Variants in ARL6IP6 observed in about 807,000 individuals in gnomAD.
ARL6IP6 encodes ARF like GTPase 6 interacting protein 6, also known as ADP-ribosylation factor-like protein 6-interacting protein 6.
A neutral mutation model predicts 21.5 loss-of-function variants in ARL6IP6; 22 were observed. The observed-to-expected ratio is 1.02, with a 90% CI of 0.73 to 1.46. The LOEUF (loss-of-function observed/expected upper bound fraction) is 1.46. ARL6IP6 is among the 40% of genes most tolerant of loss of function. The probability of loss-of-function intolerance (pLI) is 0.00; values close to 1 mark genes in which losing one functional copy is unlikely to be tolerated. For synonymous variants in ARL6IP6, 164 were observed against 125.3 expected (o/e 1.31, Z -2.06); for missense variants, 388 against 299.8 (o/e 1.29, Z -2.17).
intron 2 of ARL6IP6, 21 bp downstream of exon 2, chr2:152,720,607 T>G: frequency 6.2e-7 from 1 of 1,608,090 alleles, no homozygotes; most frequent in Non-Finnish European, 8.5e-7. Flanking sequence ...AATTGCCGCT[T>G]GCTTTGGTTT....
At chr2:152,748,924 A>G (rs1701184325) in intron 3 of ARL6IP6, among the ~76,000 whole-genome samples, 1 of 152,176 alleles carries the variant, frequency 6.6e-6, no homozygotes, top group Non-Finnish European at 1.5e-5. Context: ...AAACATGACA[A>G]GAGACCTGCT....
chr2:152,746,177 C>A (rs1701038460), intron 3 of ARL6IP6, among the ~76,000 whole-genome samples: 1 of 152,004 alleles, frequency 6.6e-6, no homozygotes, highest in Admixed American at 6.6e-5. Flanking sequence ...GCCACCACAT[C>A]TGGCTAATCT....
intron 3 of ARL6IP6, among the ~76,000 whole-genome samples, chr2:152,750,627 C>G (rs1701284283): frequency 1.2e-5 from 1 of 84,518 alleles, no homozygotes; most frequent in Non-Finnish European, 2.3e-5. Context: ...ACTTCTGGTT[C>G]TTTTCTTTCC....
intron 3 of ARL6IP6, among the ~76,000 whole-genome samples, chr2:152,746,077 G>T (rs1288797063): frequency 7.5e-6 from 1 of 132,734 alleles, no homozygotes; most frequent in Non-Finnish European, 1.5e-5. Context: ...GATAGCAGTG[G>T]CATGATCTTG....
chr2:152,718,114 C>G (rs1699281108), upstream of ARL6IP6: 1 of 978,130 alleles, frequency 1.0e-6, no homozygotes, highest in Non-Finnish European at 1.2e-6. Flanking sequence ...ACCGCGAGAG[C>G]GCCAGGTAGA....
At chr2:152,742,558 A>G (rs1012684592) in intron 3 of ARL6IP6, among the ~76,000 whole-genome samples, 1 of 148,668 alleles carries the variant, frequency 6.7e-6, no homozygotes, top group African/African-American at 2.5e-5. Context: ...TGACAGAGCA[A>G]GATACGCTCT....
rs764423472 is a variant in ARL6IP6 at position 152,762,338 on chromosome 2, A to G, written c.*2498A>G. Among the ~76,000 whole-genome samples, 2 of 152,212 alleles carry G rather than the reference A, an allele frequency of 1.3e-5. No individual in the cohort carries two copies. The highest frequency in any genetic ancestry group is 2.4e-5 in the African/African-American group (1 of 41,442). On this transcript the variant is annotated 3_prime_UTR_variant, in exon 4 of 4. Transcript: ENST00000326446. ...CCCTGGTCCCTGAAGCCCAGTGGCA[A>G]TCCTGCCATTCTTGATACGTGAGTC...
chr2:152,722,259 G>A (rs1462900891), intron 2 of ARL6IP6, among the ~76,000 whole-genome samples: 1 of 152,054 alleles, frequency 6.6e-6, no homozygotes, highest in Admixed American at 6.5e-5. Context: ...ACAGCAAATA[G>A]GAAAATCATT....
At chr2:152,722,693 A>G (rs1408117805) in intron 2 of ARL6IP6, among the ~76,000 whole-genome samples, 1 of 152,204 alleles carries the variant, frequency 6.6e-6, no homozygotes, top group Admixed American at 6.5e-5. Flanking sequence ...ACTTGAGGTC[A>G]GGAGTTCGAG....
At chr2:152,718,573 C>G (rs1699378020), upstream of ARL6IP6, 1 of 1,486,940 alleles carries the variant, frequency 6.7e-7, no homozygotes, top group Admixed American at 2.4e-5. Context: ...GGACCCGGGG[C>G]GGGGCAGGTG....
In ARL6IP6 at chr2:152,753,619, T is replaced by TA. The variant is rs566894411; in HGVS notation, c.588-6117dup. 5.0e-3 allele frequency among the ~76,000 whole-genome samples: 724 copies of TA among 144,552 alleles called. 3 individuals are homozygous for TA. Among genetic ancestry groups the TA allele is most frequent in the Middle Eastern group, 0.015 (4 of 272 alleles). 94.8% of individuals were successfully genotyped at this position (144,552 alleles called of 152,430 possible). ...TCTCATTGAATTTATAGGTGTTTAT[T>TA]AAAAAAAAAAAGAAATTGACACCTT... On this transcript the variant is annotated intron_variant, in intron 3 of 3. Coordinates refer to ENST00000326446, the MANE Select transcript of ARL6IP6 (RefSeq NM_152522.7).
intron 3 of ARL6IP6, among the ~76,000 whole-genome samples, chr2:152,741,319 AAG>A (rs1700798942): frequency 6.6e-6 from 1 of 152,038 alleles, no homozygotes; most frequent in South Asian, 2.1e-4. Flanking sequence ...ACTTTTTTGT[AAG>A]AGAGTAAAAT....
At chr2:152,721,542 A>G (rs545382179) in intron 2 of ARL6IP6, among the ~76,000 whole-genome samples, 6 of 152,272 alleles carry the variant, frequency 3.9e-5, no homozygotes, top group South Asian at 2.1e-4. Context: ...TTTTACTCCT[A>G]TTTGCTTTGA....
chr2:152,736,218 A>G (rs536574767), intron 3 of ARL6IP6, among the ~76,000 whole-genome samples: 146 of 152,342 alleles, frequency 9.6e-4, no homozygotes, highest in Non-Finnish European at 1.8e-3. Context: ...CGTAGTTTAC[A>G]TGGGTACCAC....
chr2:152,752,635 A>G (rs918895508), intron 3 of ARL6IP6, among the ~76,000 whole-genome samples: 6 of 152,166 alleles, frequency 3.9e-5, no homozygotes, highest in African/African-American at 1.4e-4. Flanking sequence ...ACTCCTTTTG[A>G]GGTCCCTGTT....
At chr2:152,748,973 G>T (rs756439487) in intron 3 of ARL6IP6, among the ~76,000 whole-genome samples, 1 of 152,060 alleles carries the variant, frequency 6.6e-6, no homozygotes, top group African/African-American at 2.4e-5. Flanking sequence ...TCTTTTTAAG[G>T]TAATTTATTT....
chr2:152,738,562 A>G (rs945501846), intron 3 of ARL6IP6, among the ~76,000 whole-genome samples: 11 of 152,360 alleles, frequency 7.2e-5, no homozygotes, highest in Admixed American at 1.3e-4. Context: ...GTGCACCTGC[A>G]GTCCCAACAC....
chr2:152,743,349 A>C (rs1037392022), intron 3 of ARL6IP6, among the ~76,000 whole-genome samples: 11 of 152,198 alleles, frequency 7.2e-5, no homozygotes, highest in Admixed American at 3.9e-4. Context: ...GATGGGTCGT[A>C]TTGCTGACAT....
chr2:152,719,436 C>T (rs1373826730), intron 1 of ARL6IP6, among the ~76,000 whole-genome samples: 1 of 152,204 alleles, frequency 6.6e-6, no homozygotes, highest in African/African-American at 2.4e-5. Flanking sequence ...ACCAATTCCT[C>T]TACACAGAAT....
Sources: allele counts gnomAD v4.1 joint callset (sites outside exome capture counted in the v4.1 genomes callset), GRCh38; gene constraint gnomAD v4.1.1; transcripts MANE v1.5; gene names NCBI Gene and HGNC (gene_info 2026-07-23, HGNC 2026-07-21).